TOP2A: variants seen among roughly 807,000 people sequenced by gnomAD.
The protein encoded by TOP2A is DNA topoisomerase II alpha.
A neutral mutation model predicts 187.2 loss-of-function variants in TOP2A; 68 were observed. The observed-to-expected ratio is 0.36, with a 90% CI of 0.30 to 0.44. TOP2A has a LOEUF of 0.44. Among genes scored for constraint, TOP2A ranks in the 20% least tolerant of loss-of-function variants. The probability of loss-of-function intolerance (pLI) is 1.00; values close to 1 mark genes in which losing one functional copy is unlikely to be tolerated. For missense variants in TOP2A, 1,196 were observed against 1,808.7 expected (o/e 0.66, Z 6.14); for synonymous variants, 542 against 593.2 (o/e 0.91, Z 1.25).
chr17:40,411,770 C>T lies in TOP2A; in HGVS notation c.838G>A (p.Asp280Asn). 6.2e-7 allele frequency: 1 copy of T among 1,608,972 alleles called. No homozygotes were observed. The highest frequency in any genetic ancestry group is 8.5e-7 in the Non-Finnish European group (1 of 1,178,458). ...ACTTTCAAGGAGTTACCAGTTTCAT[C>T]CAACTTGTCCTTCAAATACATGTCC... ...YVDMYLKDKLDETGNSLKVIH... is the reference protein window; with the variant it reads ...YVDMYLKDKLNETGNSLKVIH... Residue 280 changes from aspartate to asparagine, a missense_variant, in exon 8 of 35, where the codon GAT becomes AAT. By Grantham distance (23) the Asp-to-Asn change is conservative (BLOSUM62 1). Transcript: ENST00000423485. The surrounding 1 kb of genome is among the most constrained non-coding windows in gnomAD (Gnocchi z 4.4).
At chr17:40,392,411 C>T in intron 30 of TOP2A, 70 bp from the exon 31 acceptor site, 8 of 1,516,338 alleles carry the variant, frequency 5.3e-6, no homozygotes, top group Non-Finnish European at 7.1e-6. Context: ...GTTGACATAA[C>T]ATTTCATGAA....
In TOP2A at chr17:40,396,361, C is replaced by G; in HGVS notation, c.3642G>C (p.Pro1214=). ...TTCGTGGAATGACTCTTTGACCACG[C>G]GGAGAAGGCAAAACTTCAGCCATTT... is the stretch of plus-strand genomic sequence containing the variant. The part of the protein sequence containing the change: ...KTQMAEVLPS[P]RGQRVIPRIT... Residue 1214 remains proline, a synonymous_variant, in exon 28 of 35, where the codon CCG becomes CCC. Transcript: ENST00000423485. The G allele has an allele frequency of 6.2e-7, 1 of 1,613,904 alleles. No homozygotes were observed. The highest frequency in any genetic ancestry group is 8.5e-7 in the Non-Finnish European group (1 of 1,179,860).
At chr17:40,395,667 G>T in intron 28 of TOP2A, 128 bp from the exon 29 acceptor site, 1 of 543,194 alleles carries the variant, frequency 1.8e-6, no homozygotes, top group Non-Finnish European at 3.2e-6. Flanking sequence ...AGGCCGTGGT[G>T]GGCAGATCTC....
rs2715557 is a variant in TOP2A, at chr17:40,411,997, C to G, written c.790-179G>C. Reference sequence around the variant, plus strand: ...ACTTGAGCCCAGGAGTTCAAGACCACCCTGGGCAACATAGTGAGATCCCCA... The same window carrying G: ...ACTTGAGCCCAGGAGTTCAAGACCAGCCTGGGCAACATAGTGAGATCCCCA... On this transcript the variant is annotated intron_variant, in intron 7 of 34. Coordinates refer to ENST00000423485, the MANE Select transcript of TOP2A (RefSeq NM_001067.4). The surrounding 1 kb of genome is among the most constrained non-coding windows in gnomAD (Gnocchi z 4.4). Among the ~76,000 whole-genome samples the G allele has an allele frequency of 0.85, 128,701 of 152,040 alleles. 55,028 individuals carry two copies. Among genetic ancestry groups the G allele is most frequent in the African/African-American group, 0.96 (39,770 of 41,484 alleles).
chr17:40,403,778 G>A (rs1436380054), intron 19 of TOP2A, among the ~76,000 whole-genome samples: 1 of 152,070 alleles, frequency 6.6e-6, no homozygotes, highest in East Asian at 1.9e-4. Flanking sequence ...CCTCACCTGA[G>A]AATAGACCCT....
chr17:40,412,557 T>C (rs1201293992), intron 7 of TOP2A, among the ~76,000 whole-genome samples: 2 of 152,124 alleles, frequency 1.3e-5, no homozygotes, highest in Non-Finnish European at 2.9e-5. Flanking sequence ...GGCAGGAGAA[T>C]TGCGTGAACC....
intron 33 of TOP2A, 98 bp downstream of exon 33, chr17:40,391,408 T>C: frequency 8.3e-7 from 1 of 1,199,456 alleles, no homozygotes; most frequent in Non-Finnish European, 1.1e-6. Context: ...TAATCTGTAA[T>C]ATCAATAGTA....
chr17:40,391,397 T>G, intron 33 of TOP2A, 109 bp downstream of exon 33: 2 of 1,126,996 alleles, frequency 1.8e-6, no homozygotes, highest in Non-Finnish European at 2.5e-6. Flanking sequence ...TGGAAAACAT[T>G]TAATCTGTAA....
chr17:40,394,194 T>C (rs761973438), intron 29 of TOP2A, among the ~76,000 whole-genome samples: 2 of 143,078 alleles, frequency 1.4e-5, no homozygotes, highest in Non-Finnish European at 3.1e-5. Flanking sequence ...TTATAGGAAA[T>C]GCCCCTAGAT....
chr17:40,398,931 C>T lies in TOP2A; in HGVS notation c.3295G>A (p.Asp1099Asn). The T allele has an allele frequency of 6.2e-7, 1 of 1,608,160 alleles. No individual in the cohort carries two copies. The highest frequency in any genetic ancestry group is 1.7e-4 in the Middle Eastern group (1 of 6,048). The change falls in exon 26 of 35, where the codon GAT (aspartate) becomes AAT (asparagine). Residue 1099 changes from aspartate (D) to asparagine (N), a missense_variant. By Grantham distance (23) the Asp-to-Asn change is conservative (BLOSUM62 1). Coordinates refer to ENST00000423485, the MANE Select transcript of TOP2A (RefSeq NM_001067.4). ...TCACTCTCTTCATTTTCTTCTTCAT[C>T]TGGAACCTAAAGGATTAATTAAAAT... Reference protein sequence around the residue: ...AWKEAQQKVPDEEENEESDNE... With the variant: ...AWKEAQQKVPNEEENEESDNE...
intron 17 of TOP2A, 107 bp from the exon 18 acceptor site, chr17:40,404,598 G>C: frequency 1.3e-6 from 1 of 754,610 alleles, no homozygotes; most frequent in Non-Finnish European, 2.1e-6. Flanking sequence ...TAATTCTTAA[G>C]TCTTTAAAAA....
chr17:40,409,497 G>A (rs1487160024), intron 10 of TOP2A: 1 of 446,688 alleles, frequency 2.2e-6, no homozygotes, highest in Admixed American at 2.4e-5. Flanking sequence ...AGTGGCTTAC[G>A]CCTGTAATCA....
chr17:40,408,473 A>G lies in TOP2A; in HGVS notation c.1342+19T>C. On this transcript the variant is annotated intron_variant, in intron 11 of 34. Coordinates refer to ENST00000423485, the MANE Select transcript of TOP2A (RefSeq NM_001067.4). ...CAACTATAAGACTTAAAAGTTTGGA[A>G]ACATTATTAAATATATACCTGCATC... 36 of 1,593,226 alleles carry G rather than the reference A, an allele frequency of 2.3e-5. No homozygotes were observed. Among genetic ancestry groups the G allele is most frequent in the Non-Finnish European group, 3.1e-5 (36 of 1,172,874 alleles).
intron 2 of TOP2A, 101 bp from the exon 3 acceptor site, chr17:40,416,613 G>C: frequency 2.8e-6 from 4 of 1,423,986 alleles, no homozygotes; most frequent in Non-Finnish European, 3.9e-6. Context: ...ACCATATTTA[G>C]GCCAGTTCCA....
chr17:40,411,157 G>C lies in TOP2A; in HGVS notation c.1155C>G (p.Pro385=), dbSNP rs373570867. The C allele has an allele frequency of 3.7e-6, 6 of 1,612,854 alleles. No homozygotes were observed. In the African/African-American group the frequency reaches 8.0e-5, roughly 22 times the overall value. ...ATTGGCATGTTGATCCAAAGCTCTT[G>C]GGTTGTAAAGTCATGTTTTCTTTTG... ...SQTKENMTLQ[P]KSFGSTCQLS... Residue 385 remains proline (P), a synonymous_variant, in exon 10 of 35, where the codon CCC becomes CCG. Coordinates refer to ENST00000423485, the MANE Select transcript of TOP2A (RefSeq NM_001067.4). The surrounding 1 kb of genome is among the most constrained non-coding windows in gnomAD (Gnocchi z 4.4).
intron 10 of TOP2A, chr17:40,409,194 CAAAAAAA>C (rs35266834): frequency 7.5e-4 from 55 of 73,484 alleles, no homozygotes; most frequent in East Asian, 1.7e-3. Context: ...AACTCCGTCT[CAAAAAAA>C]AAAAAAAAAA....
At chr17:40,407,787 G>A in intron 12 of TOP2A, 113 bp from the exon 13 acceptor site, 1 of 1,219,984 alleles carries the variant, frequency 8.2e-7, no homozygotes, top group Non-Finnish European at 1.1e-6. Flanking sequence ...TGAGCTATTA[G>A]CTTATAATTT....
chr17:40,416,732 G>C lies in TOP2A; in HGVS notation c.177+8C>G. ...TAGGTTAACTGCCTTTGATGAGCTT[G>C]ATTTTACCTGGGTCACTAATTCCAC... On this transcript the variant is annotated splice_region_variant and intron_variant, in intron 2 of 34. Coordinates refer to ENST00000423485, the MANE Select transcript of TOP2A (RefSeq NM_001067.4). 1 of 1,604,808 alleles carries C rather than the reference G, an allele frequency of 6.2e-7. No individual in the cohort carries two copies. The highest frequency in any genetic ancestry group is 8.5e-7 in the Non-Finnish European group (1 of 1,177,324).
chr17:40,391,638 G>T lies in TOP2A; in HGVS notation c.4135C>A (p.Leu1379Ile). ...LKPQKSVVSD[L>I]EADDVKGSVP... ...CTGCCCTTAACATCATCAGCTTCAA[G>T]GTCTATTATTTCAAATGGAAAGGAA... The change falls in exon 33 of 35, where the codon CTT (leucine) becomes ATT (isoleucine). Residue 1379 changes from leucine (L) to isoleucine (I), a missense_variant and splice_region_variant. Coordinates refer to ENST00000423485, the MANE Select transcript of TOP2A (RefSeq NM_001067.4). The T allele has an allele frequency of 6.3e-7, 1 of 1,580,698 alleles. No individual in the cohort carries two copies.
Sources: allele counts gnomAD v4.1 joint callset (sites outside exome capture counted in the v4.1 genomes callset), GRCh38; gene constraint gnomAD v4.1.1; non-coding constraint Gnocchi (gnomAD v3.1); transcripts MANE v1.5; gene names NCBI Gene and HGNC (gene_info 2026-07-23, HGNC 2026-07-21).